DMGDH: variants seen among roughly 807,000 people sequenced by gnomAD.
DMGDH encodes the protein dimethylglycine dehydrogenase, mitochondrial.
DMGDH carries 76 observed loss-of-function variants against 95.2 expected under a neutral mutation model. That is an observed-to-expected ratio of 0.80 (90% CI 0.66 to 0.97). The LOEUF is 0.97. DMGDH is among the 50% of genes least tolerant of loss of function. DMGDH has a pLI of 0.00. For missense variants in DMGDH, 987 were observed against 1,055.0 expected (o/e 0.94, Z 0.89); for synonymous variants, 345 against 377.6 (o/e 0.91, Z 1.00).
At chr5:79,025,242 T>C (rs569273201) in intron 13 of DMGDH, among the ~76,000 whole-genome samples, 6 of 152,292 alleles carry the variant, frequency 3.9e-5, no homozygotes, top group Admixed American at 2.6e-4. Context: ...AGAGGAAATC[T>C]GAGAAAATAA....
At chr5:79,048,586 G>C (rs1347349901) in intron 5 of DMGDH, among the ~76,000 whole-genome samples, 1 of 152,150 alleles carries the variant, frequency 6.6e-6, no homozygotes, top group Non-Finnish European at 1.5e-5. Context: ...TTTTATTATA[G>C]CATGATGACT....
chr5:79,044,355 G>A lies in DMGDH; in HGVS notation c.943C>T (p.Gln315Ter). Residue 315 changes from glutamine to a stop codon, truncating the protein, a stop_gained, in exon 6 of 16, where the codon CAA (glutamine) becomes TAA (stop). Transcript: ENST00000255189. LOFTEE classifies it high-confidence loss of function. ...GAGTCCTGAACTTTCATTTTCTCTT[G>A]ACTTTCATATGGACCAAACAAAAGC... ...DGLLFGPYES[Q>*]EKMKVQDSWV... 6.2e-7 allele frequency: 1 copy of A among 1,614,114 alleles called. No individual in the cohort carries two copies. Among genetic ancestry groups the A allele is most frequent in the Non-Finnish European group, 8.5e-7 (1 of 1,180,014 alleles).
intron 5 of DMGDH, among the ~76,000 whole-genome samples, chr5:79,049,455 T>C (rs565711531): frequency 6.6e-6 from 1 of 152,366 alleles, no homozygotes; most frequent in Non-Finnish European, 1.5e-5. Context: ...CAAGTCCATC[T>C]GAAATGAGTG....
intron 6 of DMGDH, among the ~76,000 whole-genome samples, chr5:79,043,662 TG>T (rs1231725626): frequency 3.9e-5 from 6 of 152,252 alleles, no homozygotes; most frequent in Non-Finnish European, 8.8e-5. Flanking sequence ...GATTAAAAGC[TG>T]AGGTACCTCC....
rs539968009 is a variant in DMGDH, at chr5:79,046,273, C to T, written c.746-1721G>A. Among the ~76,000 whole-genome samples the T allele has an allele frequency of 4.7e-4, 72 of 151,836 alleles. 1 individual carries two copies. In the South Asian group the frequency reaches 0.014, roughly 29 times the overall value. ...AACTAATTTTTGTATTTTTAGTAGA[C>T]GAGATTTCACCATTTTGACCAGGCT... On this transcript the variant is annotated intron_variant, in intron 5 of 15. Coordinates refer to ENST00000255189, the MANE Select transcript of DMGDH (RefSeq NM_013391.3).
chr5:79,025,567 A>T (rs546442015), intron 13 of DMGDH, among the ~76,000 whole-genome samples: 191 of 152,330 alleles, frequency 1.3e-3, no homozygotes, highest in African/African-American at 4.5e-3. Context: ...ATTCTGTAGC[A>T]TAAAAAATCC....
At chr5:79,012,253 G>A (rs1297587667) in intron 14 of DMGDH, among the ~76,000 whole-genome samples, 1 of 152,222 alleles carries the variant, frequency 6.6e-6, no homozygotes, top group South Asian at 2.1e-4. Context: ...CAGCAGGGAA[G>A]TCATTAAATC....
chr5:79,038,863 A>C (rs182082311), intron 7 of DMGDH, among the ~76,000 whole-genome samples: 10 of 152,304 alleles, frequency 6.6e-5, no homozygotes, highest in Admixed American at 5.9e-4. Flanking sequence ...ATTTGCAAGA[A>C]AAAAACAAAC....
At chr5:79,009,166 G>C (rs2112602571) in intron 14 of DMGDH, among the ~76,000 whole-genome samples, 1 of 152,210 alleles carries the variant, frequency 6.6e-6, no homozygotes, top group East Asian at 1.9e-4. Flanking sequence ...CTATGTAAAA[G>C]TATCTGAAAA....
In DMGDH at chr5:79,063,649, C is replaced by G; in HGVS notation, c.240G>C (p.Glu80Asp). Residue 80 changes from glutamate (E) to aspartate (D), a missense_variant, in exon 2 of 16, where the codon GAG (glutamate) becomes GAC (aspartate). Transcript: ENST00000255189. ...TAGATCCAGCCGTGAGCTCTGATTT[C>G]TCCAGCAGGACCACATCTTTCATCC... ...KAGMKDVVLL[E>D]KSELTAGSTW... 1 of 1,614,200 alleles carries G rather than the reference C, an allele frequency of 6.2e-7. No homozygotes were observed. Among genetic ancestry groups the G allele is most frequent in the Non-Finnish European group, 8.5e-7 (1 of 1,180,038 alleles).
chr5:79,059,584 T>C (rs57429710), intron 2 of DMGDH, among the ~76,000 whole-genome samples: 10,861 of 152,322 alleles, frequency 0.071, 863 homozygotes, highest in African/African-American at 0.18. Context: ...TTGAAATGGA[T>C]TAAAAGTTTA....
At position 79,045,050 on chromosome 5, in the gene DMGDH, C is replaced by T. The variant is rs975131689; in HGVS notation, c.746-498G>A. On this transcript the variant is annotated intron_variant, in intron 5 of 15. Transcript: ENST00000255189. ...CTCTATCCTCTAAGCCCTATTCTCC[C>T]CAAATTGTTGATGCCTAAAATTCCA... 2.6e-4 allele frequency among the ~76,000 whole-genome samples: 39 copies of T among 152,128 alleles called. 1 individual carries two copies. The highest frequency in any genetic ancestry group is 7.4e-5 in the Non-Finnish European group (5 of 68,024).
chr5:79,030,667 G>GAAAAT, intron 10 of DMGDH, 166 bp downstream of exon 10: 1 of 506,656 alleles, frequency 2.0e-6, no homozygotes, highest in Non-Finnish European at 3.2e-6. Flanking sequence ...AAAAAAAAAA[G>GAAAAT]AAAAGAAAAA....
intron 13 of DMGDH, 123 bp from the exon 14 acceptor site, chr5:79,024,453 G>A: frequency 1.0e-6 from 1 of 956,922 alleles, no homozygotes; most frequent in Non-Finnish European, 1.6e-6. Flanking sequence ...TCTAAAGAAA[G>A]GCAAACTATA....
Position 79,026,475 on chromosome 5 carries a change from A to G in DMGDH, c.2139T>C (p.Tyr713=), listed in dbSNP as rs770927288. 6.2e-7 allele frequency: 1 copy of G among 1,614,170 alleles called. No individual in the cohort carries two copies. The highest frequency in any genetic ancestry group is 1.1e-5 in the South Asian group (1 of 91,078). The change falls in exon 13 of 16, where the codon TAT becomes TAC. Residue 713 remains tyrosine (Y), a synonymous_variant. Coordinates refer to ENST00000255189, the MANE Select transcript of DMGDH (RefSeq NM_013391.3). ...QEEGIDNFGT[Y]AMNALRLEKA... Reference sequence around the variant, plus strand: ...TCTCCAGGCGTAAGGCATTCATGGCATAGGTTCCAAAATTGTCGATTCCCT... The same window carrying G: ...TCTCCAGGCGTAAGGCATTCATGGCGTAGGTTCCAAAATTGTCGATTCCCT...
chr5:79,041,637 A>C (rs1754509725), intron 7 of DMGDH, among the ~76,000 whole-genome samples: 1 of 152,222 alleles, frequency 6.6e-6, no homozygotes, highest in Non-Finnish European at 1.5e-5. Context: ...CAAATTGACT[A>C]TCTGAAGATA....
At position 79,030,882 on chromosome 5, in the gene DMGDH, T is replaced by C; in HGVS notation, c.1634A>G (p.Gln545Arg). The change falls in exon 10 of 16, where the codon CAA becomes CGA. Residue 545 changes from glutamine to arginine, a missense_variant. Transcript: ENST00000255189. ...ATGGTCCAGTAGTCTAATGGAATCT[T>C]GGCCTTTGATGTTAAACTTGCCAAA... ...SPFGKFNIKG[Q>R]DSIRLLDHLF... is the part of the protein sequence containing the mutation. 6.2e-7 allele frequency: 1 copy of C among 1,614,138 alleles called. No homozygotes were observed. The highest frequency in any genetic ancestry group is 8.5e-7 in the Non-Finnish European group (1 of 1,180,006).
intron 14 of DMGDH, among the ~76,000 whole-genome samples, chr5:79,007,605 T>A (rs924211395): frequency 2.0e-5 from 3 of 152,128 alleles, no homozygotes; most frequent in South Asian, 2.1e-4. Context: ...ACTGAAAAAA[T>A]TTTATGCTTT....
chr5:79,015,863 A>G (rs971787150), intron 14 of DMGDH, among the ~76,000 whole-genome samples: 2 of 152,342 alleles, frequency 1.3e-5, no homozygotes, highest in East Asian at 3.9e-4. Flanking sequence ...TAAATGTAAT[A>G]AACCATATAA....
Sources: allele counts gnomAD v4.1 joint callset (sites outside exome capture counted in the v4.1 genomes callset), GRCh38; gene constraint gnomAD v4.1.1; transcripts MANE v1.5; gene names NCBI Gene and HGNC (gene_info 2026-07-23, HGNC 2026-07-21).